Variants in UNG observed in about 807,000 individuals in gnomAD.
UNG encodes uracil DNA glycosylase.
A neutral mutation model predicts 36.5 loss-of-function variants in UNG; 34 were observed. The observed-to-expected ratio is 0.93, with a 90% CI of 0.71 to 1.24. The LOEUF (loss-of-function observed/expected upper bound fraction) is 1.24, where lower values mean the gene tolerates loss of function less well. UNG is among the 50% of genes most tolerant of loss of function. UNG has a pLI of 0.00. For missense variants in UNG, 391 were observed against 397.6 expected, an observed-to-expected ratio of 0.98 and a Z score of 0.14; for synonymous variants, 172 against 157.8, an observed-to-expected ratio of 1.09 and a Z score of -0.67.
intron 6 of UNG, among the ~76,000 whole-genome samples, chr12:109,106,092 C>T (rs144025679): frequency 9.2e-5 from 14 of 152,330 alleles, no homozygotes; most frequent in African/African-American, 3.1e-4. Context: ...CTCTGCAGGG[C>T]TGACATTTAC....
chr12:109,106,665 G>A (rs986715412), intron 6 of UNG, among the ~76,000 whole-genome samples: 25 of 150,822 alleles, frequency 1.7e-4, no homozygotes, highest in African/African-American at 5.9e-4. Flanking sequence ...TTGGGTGGCC[G>A]AGGCGAGTGG....
rs1260913930 is a variant in UNG, at chr12:109,110,675, T to G, written c.*706T>G. ...AGAGGAGAAAAGGGAATTTTGTCTT[T>G]ATGGGGTGGGGTGATTTTCTCCTAG... On this transcript the variant is annotated 3_prime_UTR_variant, in exon 7 of 7. Coordinates refer to ENST00000242576, the MANE Select transcript of UNG (RefSeq NM_080911.3). 6.6e-6 allele frequency: 1 copy of G among 152,452 alleles called. No individual in the cohort carries two copies. The highest frequency in any genetic ancestry group is 6.5e-5 in the Admixed American group (1 of 15,312). 9.4% of individuals were successfully genotyped at this position (152,452 alleles called of 1,614,324 possible). A position where few individuals can be genotyped will look rare whatever the true frequency, so the allele number is the denominator to read the frequency against.
rs34833015 is a variant in UNG, at chr12:109,107,518, CTTT to C, written c.802-2289_802-2287del. ...CCACACCTGGCCACTGACTATTCCT[CTTT>C]TTTTTTTTTTTTTTTTTTTTTCTGA... On this transcript the variant is annotated intron_variant, in intron 6 of 6. Transcript: ENST00000242576. 7.1e-3 allele frequency among the ~76,000 whole-genome samples: 634 copies of C among 89,396 alleles called. 2 individuals carry two copies. Among genetic ancestry groups the C allele is most frequent in the African/African-American group, 0.029 (585 of 20,180 alleles). The allele number at this position is 89,396 out of a possible 152,430, so 58.6% of individuals were successfully genotyped here.
chr12:109,105,647 G>A (rs906681995), intron 6 of UNG, among the ~76,000 whole-genome samples: 7 of 152,154 alleles, frequency 4.6e-5, no homozygotes, highest in South Asian at 2.1e-4. Flanking sequence ...GCAGCAAAAA[G>A]CACCATCATC....
Position 109,099,255 on chromosome 12 carries a change from A to G in UNG, c.406A>G (p.Thr136Ala). 1 of 1,614,132 alleles carries G rather than the reference A, an allele frequency of 6.2e-7. No homozygotes were observed. The highest frequency in any genetic ancestry group is 8.5e-7 in the Non-Finnish European group (1 of 1,180,002). Residue 136 changes from threonine to alanine, a missense_variant, in exon 3 of 7, where the codon ACC becomes GCC. Transcript: ENST00000242576. Reference sequence around the variant, plus strand: ...TTATCCACCCCCACACCAAGTCTTCACCTGGACCCAGATGTGTGACATAAA... The same window carrying G: ...TTATCCACCCCCACACCAAGTCTTCGCCTGGACCCAGATGTGTGACATAAA... The part of the protein sequence containing the change: ...TVYPPPHQVF[T>A]WTQMCDIKDV...
Position 109,097,676 on chromosome 12 carries a change from C to A in UNG, c.-4C>A, listed in dbSNP as rs2042140395. Reference sequence around the variant, plus strand: ...CGCGCGTTCGCTGCCTCCTCAGCTCCAGGATGATCGGCCAGAAGACGCTCT... The same window carrying A: ...CGCGCGTTCGCTGCCTCCTCAGCTCAAGGATGATCGGCCAGAAGACGCTCT... On this transcript the variant is annotated 5_prime_UTR_variant, in exon 1 of 7. Coordinates refer to ENST00000242576, the MANE Select transcript of UNG (RefSeq NM_080911.3). 2 of 1,605,190 alleles carry A rather than the reference C, an allele frequency of 1.2e-6. No homozygotes were observed. Among genetic ancestry groups the A allele is most frequent in the Non-Finnish European group, 1.7e-6 (2 of 1,175,974 alleles).
At chr12:109,108,564 GGAGGCTACAGTGGGCCAC>G (rs2042235442) in intron 6 of UNG, among the ~76,000 whole-genome samples, 8 of 152,032 alleles carry the variant, frequency 5.3e-5, no homozygotes, top group African/African-American at 1.9e-4. Context: ...CCTAGGAGGT[GGAGGCTACAGTGGGCCAC>G]AGTCATGCCA....
chr12:109,102,698 T>TA (rs1485781963), intron 4 of UNG, 141 bp from the exon 5 acceptor site: 1 of 678,022 alleles, frequency 1.5e-6, no homozygotes, highest in African/African-American at 1.8e-5. Flanking sequence ...TTGATCTCAT[T>TA]AATCGGCGCC....
At chr12:109,101,565 G>A (rs1463063744) in intron 3 of UNG, among the ~76,000 whole-genome samples, 4 of 152,040 alleles carry the variant, frequency 2.6e-5, no homozygotes, top group African/African-American at 9.6e-5. Flanking sequence ...AAAAAATTAG[G>A]TGGGCATAGT....
chr12:109,097,638 G>T lies in UNG; in HGVS notation c.-42G>T, dbSNP rs1412475561. ...AGCCACAGCCAGGGCTAGCCTCGCC[G>T]GTTCCCGGGTGGCGCGCGTTCGCTG... On this transcript the variant is annotated 5_prime_UTR_variant, in exon 1 of 7. Coordinates refer to ENST00000242576, the MANE Select transcript of UNG (RefSeq NM_080911.3). The T allele has an allele frequency of 1.3e-6, 2 of 1,594,602 alleles. No individual in the cohort carries two copies. The highest frequency in any genetic ancestry group is 2.3e-5 in the South Asian group (2 of 88,598).
chr12:109,098,353 G>A, intron 1 of UNG, 79 bp from the exon 2 acceptor site: 1 of 1,603,506 alleles, frequency 6.2e-7, no homozygotes, highest in Non-Finnish European at 8.5e-7. Context: ...TTGGGCCGTG[G>A]GGGTTGGGCC....
chr12:109,106,424 T>C (rs1254691032), intron 6 of UNG, among the ~76,000 whole-genome samples: 1 of 152,048 alleles, frequency 6.6e-6, no homozygotes, highest in Non-Finnish European at 1.5e-5. Context: ...GGCAAGAGTG[T>C]TTTGAGAAAC....
At chr12:109,106,061 T>G (rs2042212909) in intron 6 of UNG, among the ~76,000 whole-genome samples, 1 of 152,200 alleles carries the variant, frequency 6.6e-6, no homozygotes, top group Non-Finnish European at 1.5e-5. Flanking sequence ...AGAGGTCATT[T>G]TCTTCTGGGA....
intron 3 of UNG, among the ~76,000 whole-genome samples, chr12:109,101,337 A>G (rs1313249687): frequency 6.6e-6 from 1 of 151,320 alleles, no homozygotes; most frequent in African/African-American, 2.4e-5. Context: ...TGATCTGCCT[A>G]CCTCGGCCTC....
At chr12:109,100,437 T>C (rs1483371802) in intron 3 of UNG, among the ~76,000 whole-genome samples, 1 of 152,226 alleles carries the variant, frequency 6.6e-6, no homozygotes, top group East Asian at 1.9e-4. Flanking sequence ...AGAAGTGAAA[T>C]AGGTGAATAA....
rs1424588151 is a variant in UNG, at chr12:109,110,538, A to G, written c.*569A>G. On this transcript the variant is annotated 3_prime_UTR_variant, in exon 7 of 7. Transcript: ENST00000242576. ...AATTAGGGCTCAATTTCCTGATTGT[A>G]GTAGAGGTTAAGATTGCTGTGAGCT... is the stretch of plus-strand genomic sequence containing the variant. The G allele has an allele frequency of 1.8e-5, 3 of 163,834 alleles. No homozygotes were observed. The highest frequency in any genetic ancestry group is 4.0e-5 in the Non-Finnish European group (3 of 74,180). The allele number at this position is 163,834 out of a possible 1,614,324, so 10.1% of individuals were successfully genotyped here. A position where few individuals can be genotyped will look rare whatever the true frequency, so the allele number is the denominator to read the frequency against.
chr12:109,103,036 C>G, intron 5 of UNG, 109 bp downstream of exon 5: 1 of 832,580 alleles, frequency 1.2e-6, no homozygotes, highest in Non-Finnish European at 2.0e-6. Flanking sequence ...ACTGCAACCT[C>G]TGCCTCCCAG....
chr12:109,107,977 TAC>T (rs2042230331), intron 6 of UNG, among the ~76,000 whole-genome samples: 1 of 152,218 alleles, frequency 6.6e-6, no homozygotes, highest in South Asian at 2.1e-4. Context: ...AACTACTAAA[TAC>T]AGTGTCTTGG....
At chr12:109,101,857 T>A (rs1303475904) in intron 3 of UNG, 45 bp from the exon 4 acceptor site, 1 of 1,533,488 alleles carries the variant, frequency 6.5e-7, no homozygotes, top group African/African-American at 1.4e-5. Flanking sequence ...TCTGTGCTGC[T>A]TACATTACAG....
Sources: gnomAD v4.1 joint callset for allele counts (sites outside exome capture counted in the v4.1 genomes callset) on GRCh38, gnomAD v4.1.1 for gene constraint, MANE v1.5 for transcripts, NCBI Gene and HGNC (gene_info 2026-07-23, HGNC 2026-07-21) for gene names.